The following DENND1B variants were observed in gnomAD, a reference collection of about 807,000 sequenced individuals.
The protein encoded by DENND1B is DENN domain-containing protein 1B.
DENND1B carries 59 observed loss-of-function variants against 90.1 expected under a neutral mutation model. The observed-to-expected ratio is 0.65, with a 90% CI of 0.53 to 0.81. The LOEUF is 0.81. Ranked by LOEUF, DENND1B falls within the 40% of genes least tolerant of loss-of-function variation. The pLI is 0.00. For missense variants in DENND1B, 862 were observed against 912.6 expected, an observed-to-expected ratio of 0.94 and a Z score of 0.71; for synonymous variants, 337 against 324.6, an observed-to-expected ratio of 1.04 and a Z score of -0.41.
At chr1:197,744,064 G>C (rs1663468940) in intron 2 of DENND1B, among the ~76,000 whole-genome samples, 1 of 152,168 alleles carries the variant, frequency 6.6e-6, no homozygotes, top group Non-Finnish European at 1.5e-5. Flanking sequence ...TAGCTCTCTT[G>C]TTATATCCAC....
chr1:197,644,848 C>A (rs947353933), intron 9 of DENND1B, among the ~76,000 whole-genome samples: 2 of 152,072 alleles, frequency 1.3e-5, no homozygotes, highest in African/African-American at 4.8e-5. Context: ...CACTAGAATC[C>A]CAAAGTAAAT....
At chr1:197,552,664 C>T in intron 16 of DENND1B, 1 of 1,023,504 alleles carries the variant, frequency 9.8e-7, no homozygotes, top group Non-Finnish European at 1.2e-6. Context: ...TTCTTAAATT[C>T]ATACTCAGTA....
rs542578100 is a variant in DENND1B, at chr1:197,530,017, C to A, written c.1515+9947G>T. On this transcript the variant is annotated intron_variant, in intron 20 of 22. Transcript: ENST00000620048. ...AGGGTTGGGTTTTACAAATGTGGAG[C>A]CTAATTGGGAGATCTTCATGGCTGT... 3.3e-5 allele frequency among the ~76,000 whole-genome samples: 5 copies of A among 152,204 alleles called. No individual in the cohort carries two copies. In the East Asian group the frequency reaches 9.7e-4, roughly 29 times the overall value.
intron 3 of DENND1B, among the ~76,000 whole-genome samples, chr1:197,683,336 T>C (rs762515300): frequency 1.3e-5 from 2 of 152,032 alleles, no homozygotes; most frequent in African/African-American, 2.4e-5. Context: ...GGAAGGGATA[T>C]GATTGGACTT....
In DENND1B at chr1:197,652,231, T is replaced by A; in HGVS notation, c.447+4A>T. ...CCAAAAACAATTACTGATTGAATAC[T>A]TACCACACTCAAATTTACAGGAGTA... On this transcript the variant is annotated splice_donor_region_variant and intron_variant, in intron 7 of 22. Coordinates refer to ENST00000620048, the MANE Select transcript of DENND1B (RefSeq NM_001195215.2). The A allele has an allele frequency of 6.2e-7, 1 of 1,609,762 alleles. No homozygotes were observed. The highest frequency in any genetic ancestry group is 8.5e-7 in the Non-Finnish European group (1 of 1,178,104).
chr1:197,746,445 C>T (rs756725867), intron 2 of DENND1B, among the ~76,000 whole-genome samples: 1 of 151,948 alleles, frequency 6.6e-6, no homozygotes, highest in Non-Finnish European at 1.5e-5. Context: ...ACCAAATGAA[C>T]GAAAAACAGC....
chr1:197,664,835 G>C (rs1325536388), intron 5 of DENND1B, among the ~76,000 whole-genome samples: 1 of 151,952 alleles, frequency 6.6e-6, no homozygotes. Flanking sequence ...GAAAGCTTTA[G>C]GTTTGGAATG....
At chr1:197,634,628 A>T (rs944403713) in intron 10 of DENND1B, among the ~76,000 whole-genome samples, 3 of 148,076 alleles carry the variant, frequency 2.0e-5, no homozygotes, top group African/African-American at 7.3e-5. Context: ...ATAGACTTTT[A>T]AAAAAAATTA....
At chr1:197,741,004 G>A (rs1265864589) in intron 2 of DENND1B, among the ~76,000 whole-genome samples, 2 of 152,026 alleles carry the variant, frequency 1.3e-5, no homozygotes, top group African/African-American at 4.8e-5. Flanking sequence ...AAATCCTTCT[G>A]TATTTTGATC....
chr1:197,567,544 C>A (rs9727335), intron 15 of DENND1B, among the ~76,000 whole-genome samples: 2,818 of 152,088 alleles, frequency 0.019, 42 homozygotes, highest in African/African-American at 0.023. Flanking sequence ...AAAAAGAAAG[C>A]GAATTACATC....
intron 2 of DENND1B, among the ~76,000 whole-genome samples, chr1:197,719,049 A>C (rs998925696): frequency 6.6e-6 from 1 of 152,138 alleles, no homozygotes; most frequent in Non-Finnish European, 1.5e-5. Flanking sequence ...TGACTGAAGA[A>C]TGGCAACTAT....
intron 13 of DENND1B, among the ~76,000 whole-genome samples, chr1:197,602,638 G>A (rs550143013): frequency 1.5e-4 from 23 of 151,042 alleles, no homozygotes; most frequent in Non-Finnish European, 1.5e-4. Context: ...AAACCTTCAT[G>A]TTAGATTACA....
At chr1:197,540,479 T>C (rs1670255940) in intron 19 of DENND1B, among the ~76,000 whole-genome samples, 1 of 152,058 alleles carries the variant, frequency 6.6e-6, no homozygotes, top group Non-Finnish European at 1.5e-5. Context: ...AACACACATA[T>C]ACACATATTT....
chr1:197,676,507 C>T (rs1158952210), intron 3 of DENND1B, among the ~76,000 whole-genome samples: 1 of 152,008 alleles, frequency 6.6e-6, no homozygotes, highest in Non-Finnish European at 1.5e-5. Context: ...ACAATACTCT[C>T]CAGAAGTTAT....
intron 19 of DENND1B, among the ~76,000 whole-genome samples, chr1:197,540,441 A>G (rs1462474251): frequency 6.6e-6 from 1 of 152,094 alleles, no homozygotes; most frequent in Non-Finnish European, 1.5e-5. Flanking sequence ...AACTGATAAT[A>G]AAATCTGTGA....
intron 10 of DENND1B, among the ~76,000 whole-genome samples, chr1:197,632,658 T>C (rs549872916): frequency 6.6e-6 from 1 of 152,358 alleles, no homozygotes; most frequent in East Asian, 1.9e-4. Context: ...TTGGAAACTC[T>C]ACTCATGCCA....
At chr1:197,713,791 T>G (rs1660228998) in intron 3 of DENND1B, among the ~76,000 whole-genome samples, 1 of 18,732 alleles carries the variant, frequency 5.3e-5, no homozygotes, top group African/African-American at 1.7e-4. Context: ...TATATTATAA[T>G]ATTATTATAT....
chr1:197,684,231 C>A (rs1157120558), intron 3 of DENND1B, among the ~76,000 whole-genome samples: 6 of 152,124 alleles, frequency 3.9e-5, no homozygotes, highest in Non-Finnish European at 7.4e-5. Context: ...TTACAACAAC[C>A]CATGTTTCAT....
chr1:197,523,443 G>A (rs544099113), intron 20 of DENND1B, among the ~76,000 whole-genome samples: 3 of 151,198 alleles, frequency 2.0e-5, no homozygotes, highest in Non-Finnish European at 4.5e-5. Context: ...CCTAAGGCAC[G>A]GGGGCGCATG....
Sources: gnomAD v4.1 joint callset for allele counts (sites outside exome capture counted in the v4.1 genomes callset) on GRCh38, gnomAD v4.1.1 for gene constraint, MANE v1.5 for transcripts, NCBI Gene and HGNC (gene_info 2026-07-23, HGNC 2026-07-21) for gene names.